Variants in NEBL observed in about 807,000 individuals in gnomAD.
The protein encoded by NEBL is LIM and SH3 protein 2.
Under a neutral mutation model 140.2 loss-of-function variants are expected in NEBL, and 122 were observed. The ratio of observed to expected loss-of-function variants is 0.87; its 90% confidence interval spans 0.75 to 1.01. The LOEUF (loss-of-function observed/expected upper bound fraction) is 1.01, where lower values mean the gene tolerates loss of function less well. Among genes scored for constraint, NEBL ranks in the 50% least tolerant of loss-of-function variants. NEBL has a pLI of 0.00. For missense variants in NEBL, 1,365 were observed against 1,231.3 expected, an observed-to-expected ratio of 1.11 and a Z score of -1.62; for synonymous variants, 436 against 398.9, an observed-to-expected ratio of 1.09 and a Z score of -1.11.
At chr10:21,000,620 T>C (rs945978386) in intron 3 of NEBL, among the ~76,000 whole-genome samples, 1 of 152,102 alleles carries the variant, frequency 6.6e-6, no homozygotes, top group Non-Finnish European at 1.5e-5. Context: ...TGGGTAAGAA[T>C]TTGTTTAAAT....
chr10:20,919,047 C>T (rs1236551315), intron 4 of NEBL, among the ~76,000 whole-genome samples: 6 of 152,058 alleles, frequency 3.9e-5, no homozygotes. Flanking sequence ...TACTATTACT[C>T]ATTTCAGAAA....
intron 2 of NEBL, among the ~76,000 whole-genome samples, chr10:21,077,721 T>G (rs1836166887): frequency 6.6e-6 from 1 of 152,194 alleles, no homozygotes; most frequent in South Asian, 2.1e-4. Flanking sequence ...CTTTTTCCCT[T>G]CTTCATTTTC....
chr10:21,091,420 CT>C (rs1481416614), intron 2 of NEBL, among the ~76,000 whole-genome samples: 2 of 152,132 alleles, frequency 1.3e-5, no homozygotes, highest in Non-Finnish European at 1.5e-5. Flanking sequence ...ATGTTATGTT[CT>C]TTCTATCACA....
chr10:20,907,572 T>G (rs955004999), intron 4 of NEBL, among the ~76,000 whole-genome samples: 2 of 152,192 alleles, frequency 1.3e-5, no homozygotes, highest in Admixed American at 1.3e-4. Context: ...AAACCATTCG[T>G]TCATCACATT....
At chr10:21,053,864 C>G (rs1461561904) in intron 2 of NEBL, among the ~76,000 whole-genome samples, 1 of 152,030 alleles carries the variant, frequency 6.6e-6, no homozygotes, top group East Asian at 1.9e-4. Flanking sequence ...GAAGCCCAGT[C>G]ACTACCAAAA....
chr10:21,288,850 A>ATATATATATATATATATATATATAT (rs1554836851), intron 1 of NEBL, among the ~76,000 whole-genome samples: 15 of 73,422 alleles, frequency 2.0e-4, no homozygotes, highest in South Asian at 5.1e-4. Context: ...ATATATATAT[A>ATATATATATATATATATATATATAT]AAAATTTTTT....
rs200571909 is a variant in NEBL at position 20,809,950 on chromosome 10, G to GAAAAAAAAAAAAAA, written c.2519-66_2519-53dup. The stretch of plus-strand genomic sequence containing the variant: ...CTCATCAAGAAGGAATTTAAAAAAG[G>GAAAAAAAAAAAAAA]AAAAAAAAAAAAAAAAGCCAGTACC... On this transcript the variant is annotated intron_variant, in intron 24 of 27. Coordinates refer to ENST00000377122, the MANE Select transcript of NEBL (RefSeq NM_006393.3). 12 of 683,188 alleles carry GAAAAAAAAAAAAAA rather than the reference G, an allele frequency of 1.8e-5. 1 individual carries two copies. Among genetic ancestry groups the GAAAAAAAAAAAAAA allele is most frequent in the Admixed American group, 5.5e-5 (2 of 36,356 alleles). 42.3% of individuals were successfully genotyped at this position (683,188 alleles called of 1,614,324 possible). A position where few individuals can be genotyped will look rare whatever the true frequency, so the allele number is the denominator to read the frequency against.
At chr10:21,121,719 C>T (rs913257152) in intron 2 of NEBL, among the ~76,000 whole-genome samples, 6 of 152,122 alleles carry the variant, frequency 3.9e-5, no homozygotes, top group East Asian at 3.9e-4. Flanking sequence ...TAAATGTCAC[C>T]GGGGAAAGAC....
intron 1 of NEBL, among the ~76,000 whole-genome samples, chr10:21,259,738 C>T (rs553291474): frequency 7.9e-5 from 12 of 152,306 alleles, no homozygotes; most frequent in African/African-American, 1.7e-4. Flanking sequence ...TTGCACCCCA[C>T]GTGCGATGGC....
chr10:21,177,026 G>A (rs974820217), upstream of NEBL, among the ~76,000 whole-genome samples: 2 of 152,196 alleles, frequency 1.3e-5, no homozygotes, highest in African/African-American at 4.8e-5. Flanking sequence ...TTTGGATGCA[G>A]AGTGTGATGG....
intron 2 of NEBL, among the ~76,000 whole-genome samples, chr10:21,142,125 T>C (rs961975945): frequency 1.7e-4 from 26 of 152,094 alleles, no homozygotes; most frequent in African/African-American, 6.0e-4. Flanking sequence ...CTTAGCACTC[T>C]CCTTGGTAAT....
intron 2 of NEBL, among the ~76,000 whole-genome samples, chr10:21,249,934 C>A (rs935346271): frequency 1.3e-5 from 2 of 151,924 alleles, no homozygotes; most frequent in Non-Finnish European, 2.9e-5. Context: ...TGTGGTGGTA[C>A]ACACCTGTAA....
At chr10:20,862,332 A>G (rs1433078749) in intron 7 of NEBL, among the ~76,000 whole-genome samples, 1 of 152,218 alleles carries the variant, frequency 6.6e-6, no homozygotes, top group Non-Finnish European at 1.5e-5. Context: ...ACAAAAACAC[A>G]AGTTTCCCTC....
intron 1 of NEBL, among the ~76,000 whole-genome samples, chr10:21,282,977 T>A (rs762667079): frequency 4.0e-5 from 6 of 151,542 alleles, no homozygotes; most frequent in Admixed American, 6.6e-5. Flanking sequence ...ATACAAAAAA[T>A]TTTAAAAAAT....
chr10:21,107,473 T>C (rs1026107586), intron 2 of NEBL, among the ~76,000 whole-genome samples: 1 of 152,216 alleles, frequency 6.6e-6, no homozygotes, highest in Non-Finnish European at 1.5e-5. Flanking sequence ...ATTATGTTTA[T>C]TGATTTGCAT....
In NEBL at chr10:20,959,557, G is replaced by A. The variant is rs543192558; in HGVS notation, c.357+2115C>T. On this transcript the variant is annotated intron_variant, in intron 4 of 6. Transcript: ENST00000417816. ...TGAGTAATATGGAAAACCTAGTGAG[G>A]TAAGGGAAAAAGTTCATGAAGTTGC... Among the ~76,000 whole-genome samples, 11 of 152,188 alleles carry A rather than the reference G, an allele frequency of 7.2e-5. No individual in the cohort carries two copies. The South Asian group carries it at 2.3e-3, about 32-fold the overall frequency.
intron 1 of NEBL, among the ~76,000 whole-genome samples, chr10:21,269,515 A>G (rs1842836428): frequency 2.0e-5 from 3 of 152,240 alleles, no homozygotes; most frequent in South Asian, 2.1e-4. Flanking sequence ...AAGCAGGCCA[A>G]TTTGTCAAAC....
At chr10:20,894,406 G>A (rs1422561072) in intron 2 of NEBL, among the ~76,000 whole-genome samples, 1 of 151,688 alleles carries the variant, frequency 6.6e-6, no homozygotes, top group African/African-American at 2.4e-5. Flanking sequence ...CCAGGAAATT[G>A]AGACTGCAGT....
At chr10:21,075,544 T>C (rs1457391453) in intron 2 of NEBL, among the ~76,000 whole-genome samples, 1 of 152,194 alleles carries the variant, frequency 6.6e-6, no homozygotes, top group Non-Finnish European at 1.5e-5. Context: ...GGTTGCTTTG[T>C]CCTTGCTGAG....
Sources: gnomAD v4.1 joint callset for allele counts (sites outside exome capture counted in the v4.1 genomes callset) on GRCh38, gnomAD v4.1.1 for gene constraint, MANE v1.5 for transcripts, NCBI Gene and HGNC (gene_info 2026-07-23, HGNC 2026-07-21) for gene names.